The following SPOCK1 variants were observed in gnomAD, a reference collection of about 807,000 sequenced individuals.
The protein encoded by SPOCK1 is testican-1.
SPOCK1 carries 23 observed loss-of-function variants against 55.3 expected under a neutral mutation model. The ratio of observed to expected loss-of-function variants is 0.42; its 90% CI spans 0.30 to 0.59. The LOEUF is 0.59. SPOCK1 is among the 20% of genes least tolerant of loss of function. The pLI, the probability that SPOCK1 is intolerant of heterozygous loss-of-function variation, is 0.22. For synonymous variants in SPOCK1, 226 were observed against 221.0 expected (o/e 1.02, Z -0.20); for missense variants, 499 against 552.5 (o/e 0.90, Z 0.97).
At chr5:137,458,957 AAACAGAG>A (rs1400032405) in intron 2 of SPOCK1, among the ~76,000 whole-genome samples, 1 of 152,226 alleles carries the variant, frequency 6.6e-6, no homozygotes, top group African/African-American at 2.4e-5. Context: ...ACCAACAGGG[AAACAGAG>A]AATATACACA....
chr5:136,997,000 G>A (rs114554205), intron 6 of SPOCK1, among the ~76,000 whole-genome samples: 60 of 152,232 alleles, frequency 3.9e-4, no homozygotes, highest in African/African-American at 1.4e-3. Flanking sequence ...AAAGGTCCAC[G>A]GCTTCATTCT....
chr5:137,041,968 G>GA (rs1426028923), intron 6 of SPOCK1, among the ~76,000 whole-genome samples: 1 of 152,144 alleles, frequency 6.6e-6, no homozygotes, highest in African/African-American at 2.4e-5. Context: ...CAACTGATTT[G>GA]AAAAATTATG....
intron 6 of SPOCK1, among the ~76,000 whole-genome samples, chr5:137,067,246 C>T (rs946500819): frequency 6.6e-6 from 1 of 152,126 alleles, no homozygotes; most frequent in Admixed American, 6.5e-5. Flanking sequence ...TTTCATCTGT[C>T]CCCTGGCTCT....
intron 2 of SPOCK1, chr5:137,313,422 T>C: frequency 1.0e-6 from 1 of 985,356 alleles, no homozygotes; most frequent in Non-Finnish European, 1.2e-6. Context: ...TCAGAAAGTG[T>C]CTTACCTGCT....
intron 2 of SPOCK1, among the ~76,000 whole-genome samples, chr5:137,280,924 G>A (rs1290269074): frequency 1.3e-5 from 2 of 152,112 alleles, no homozygotes; most frequent in Non-Finnish European, 2.9e-5. Flanking sequence ...CAATGTGCTG[G>A]AAGCCTCAAC....
chr5:137,447,660 G>T (rs1253975971), intron 2 of SPOCK1, among the ~76,000 whole-genome samples: 2 of 152,008 alleles, frequency 1.3e-5, no homozygotes, highest in Non-Finnish European at 2.9e-5. Flanking sequence ...TCTCCCAGGG[G>T]TCTGAGAGCC....
chr5:137,292,214 G>A (rs757156019), intron 2 of SPOCK1, among the ~76,000 whole-genome samples: 13 of 152,118 alleles, frequency 8.5e-5, no homozygotes, highest in Non-Finnish European at 1.5e-4. Flanking sequence ...ACACAGTAGA[G>A]GTCTCTGGAT....
intron 2 of SPOCK1, among the ~76,000 whole-genome samples, chr5:137,376,501 T>C (rs893843964): frequency 6.6e-6 from 1 of 152,172 alleles, no homozygotes; most frequent in Admixed American, 6.5e-5. Flanking sequence ...AGTTCAGCAA[T>C]TACAAGGTCC....
chr5:137,032,535 G>A (rs1179736040), intron 6 of SPOCK1, among the ~76,000 whole-genome samples: 2 of 152,194 alleles, frequency 1.3e-5, no homozygotes, highest in Admixed American at 6.5e-5. Context: ...GATGGTGCCA[G>A]AAAAAGGCAC....
At chr5:137,211,606 G>T (rs1174739922) in intron 3 of SPOCK1, among the ~76,000 whole-genome samples, 1 of 152,124 alleles carries the variant, frequency 6.6e-6, no homozygotes, top group East Asian at 1.9e-4. Flanking sequence ...GGCAGTTGGG[G>T]GCCCCAAGAT....
chr5:137,307,795 T>C (rs1757723604), intron 2 of SPOCK1, among the ~76,000 whole-genome samples: 1 of 152,136 alleles, frequency 6.6e-6, no homozygotes, highest in Non-Finnish European at 1.5e-5. Flanking sequence ...CCTTGAGGAC[T>C]TTGCCTGGAA....
At chr5:137,151,234 C>A (rs1170688620) in intron 3 of SPOCK1, among the ~76,000 whole-genome samples, 1 of 152,098 alleles carries the variant, frequency 6.6e-6, no homozygotes, top group Non-Finnish European at 1.5e-5. Context: ...CTCAAGCAGT[C>A]CACCTATCTC....
At chr5:137,337,910 T>G (rs1561508657) in intron 2 of SPOCK1, among the ~76,000 whole-genome samples, 1 of 152,122 alleles carries the variant, frequency 6.6e-6, no homozygotes, top group Non-Finnish European at 1.5e-5. Flanking sequence ...CCTGAATGAG[T>G]TCTCATCGTG....
intron 2 of SPOCK1, among the ~76,000 whole-genome samples, chr5:137,353,890 C>T (rs1213517490): frequency 6.6e-6 from 1 of 152,026 alleles, no homozygotes; most frequent in Non-Finnish European, 1.5e-5. Context: ...TTACCCATAC[C>T]CTCCCTCTAC....
At chr5:137,178,944 C>T (rs1754914562) in intron 3 of SPOCK1, among the ~76,000 whole-genome samples, 1 of 152,216 alleles carries the variant, frequency 6.6e-6, no homozygotes, top group South Asian at 2.1e-4. Context: ...AGGACTAGCA[C>T]AGTGCCTGGC....
At chr5:137,241,286 C>A (rs1357900087) in intron 3 of SPOCK1, among the ~76,000 whole-genome samples, 1 of 152,116 alleles carries the variant, frequency 6.6e-6, no homozygotes, top group African/African-American at 2.4e-5. Flanking sequence ...TACACATAAG[C>A]AAAGTCAAAA....
chr5:137,205,840 C>T (rs1365564881), intron 3 of SPOCK1, among the ~76,000 whole-genome samples: 4 of 152,184 alleles, frequency 2.6e-5, no homozygotes, highest in African/African-American at 9.7e-5. Flanking sequence ...TACATGTACT[C>T]GGCACAGTTC....
At chr5:137,423,989 AT>A (rs34615005) in intron 2 of SPOCK1, among the ~76,000 whole-genome samples, 132,137 of 151,580 alleles carry the variant, frequency 0.87, 58,852 homozygotes, top group South Asian at 0.98. Context: ...GTGAAGATTC[AT>A]TTTTTTTTTC....
chr5:137,399,884 C>T (rs1751938059), intron 2 of SPOCK1, among the ~76,000 whole-genome samples: 1 of 152,136 alleles, frequency 6.6e-6, no homozygotes, highest in African/African-American at 2.4e-5. Flanking sequence ...ACAGCGTTGG[C>T]AGGGAAAAGT....
Sources: gnomAD v4.1 joint callset for allele counts (sites outside exome capture counted in the v4.1 genomes callset) on GRCh38, gnomAD v4.1.1 for gene constraint, MANE v1.5 for transcripts, NCBI Gene and HGNC (gene_info 2026-07-23, HGNC 2026-07-21) for gene names.